The following HTR4 variants were observed in gnomAD, a reference collection of about 807,000 sequenced individuals.
HTR4 encodes the protein 5-hydroxytryptamine (serotonin) receptor 4, G protein-coupled.
In HTR4, 16 loss-of-function variants were observed where a neutral mutation model predicts 36.8. That is an observed-to-expected ratio of 0.43 (90% CI 0.29 to 0.66). The LOEUF (loss-of-function observed/expected upper bound fraction) is 0.66, where lower values mean the gene tolerates loss of function less well. HTR4 is among the 30% of genes least tolerant of loss of function. The pLI is 0.13. For synonymous variants in HTR4, 189 were observed against 185.1 expected, an observed-to-expected ratio of 1.02 and a Z score of -0.17; for missense variants, 438 against 490.9, an observed-to-expected ratio of 0.89 and a Z score of 1.02.
chr5:148,506,322 G>T (rs931876277), intron 6 of HTR4, among the ~76,000 whole-genome samples: 4 of 151,962 alleles, frequency 2.6e-5, no homozygotes, highest in East Asian at 1.9e-4. Flanking sequence ...GCTAGCCATA[G>T]GTAGAAAGCT....
intron 2 of HTR4, among the ~76,000 whole-genome samples, chr5:148,601,002 A>AAT (rs1761973992): frequency 6.8e-6 from 1 of 147,744 alleles, no homozygotes; most frequent in Non-Finnish European, 1.5e-5. Context: ...AAAAAAAAAA[A>AAT]ACAAATAATG....
At chr5:148,599,755 G>GT (rs1379754236) in intron 2 of HTR4, among the ~76,000 whole-genome samples, 3 of 151,976 alleles carry the variant, frequency 2.0e-5, no homozygotes, top group African/African-American at 4.8e-5. Context: ...AATATATTAT[G>GT]TTTTTTGCAG....
At chr5:148,630,296 T>G (rs1753278137) in intron 2 of HTR4, 1 of 152,084 alleles carries the variant, frequency 6.6e-6, no homozygotes, top group Non-Finnish European at 1.5e-5. Context: ...TGATTGCATA[T>G]AAAGGAGAGC....
chr5:148,557,392 G>A (rs961702027), intron 2 of HTR4, among the ~76,000 whole-genome samples: 1 of 152,146 alleles, frequency 6.6e-6, no homozygotes, highest in Non-Finnish European at 1.5e-5. Context: ...CTGAATAAAT[G>A]TTGGTACAAT....
At chr5:148,459,472 A>G (rs1179367763) in intron 5 of HTR4, among the ~76,000 whole-genome samples, 1 of 152,086 alleles carries the variant, frequency 6.6e-6, no homozygotes, top group Non-Finnish European at 1.5e-5. Flanking sequence ...ACCTTGGGGG[A>G]AGGGAAATAT....
intron 6 of HTR4, among the ~76,000 whole-genome samples, chr5:148,506,087 C>A (rs1418508683): frequency 6.6e-6 from 1 of 152,124 alleles, no homozygotes; most frequent in African/African-American, 2.4e-5. Flanking sequence ...GCCAAAAGAA[C>A]AAAGCTGGAG....
chr5:148,539,522 A>G (rs1274079710), intron 4 of HTR4, among the ~76,000 whole-genome samples: 1 of 152,200 alleles, frequency 6.6e-6, no homozygotes, highest in Non-Finnish European at 1.5e-5. Context: ...CAAATTTACA[A>G]TAAAAAAGTC....
At chr5:148,621,274 C>T (rs777577618) in intron 2 of HTR4, among the ~76,000 whole-genome samples, 23 of 152,298 alleles carry the variant, frequency 1.5e-4, no homozygotes, top group Admixed American at 5.9e-4. Flanking sequence ...GGGCTGCCCA[C>T]GCATGACAGA....
Position 148,576,115 on chromosome 5 carries a change from A to AAAAAACAAAC in HTR4, c.27-25854_27-25853insGTTTGTTTTT, listed in dbSNP as rs1242160172. Among the ~76,000 whole-genome samples, 5 of 134,834 alleles carry AAAAAACAAAC rather than the reference A, an allele frequency of 3.7e-5. 1 individual carries two copies. Among genetic ancestry groups the AAAAAACAAAC allele is most frequent in the African/African-American group, 1.4e-4 (5 of 36,504 alleles). The allele number at this position is 134,834 out of a possible 152,430, so 88.5% of individuals were successfully genotyped here. ...GACAGAGCGAGACTCCGTCTCAAAA[A>AAAAAACAAAC]AAAAAAAAAAAAAAAAAACAAAATC... On this transcript the variant is annotated intron_variant, in intron 2 of 6. Transcript: ENST00000377888.
At chr5:148,477,476 G>A (rs933566743), downstream of HTR4, among the ~76,000 whole-genome samples, 4 of 152,144 alleles carry the variant, frequency 2.6e-5, no homozygotes, top group African/African-American at 7.2e-5. Flanking sequence ...TAACAAGAAC[G>A]GGCCTCAGGT....
rs142111172 is a variant in HTR4 at position 148,572,468 on chromosome 5, G to A, written c.27-22206C>T. 1.8e-3 allele frequency among the ~76,000 whole-genome samples: 268 copies of A among 152,060 alleles called. 1 individual carries two copies. The highest frequency in any genetic ancestry group is 6.0e-3 in the African/African-American group (249 of 41,516). ...ATAATATTTTAATTTAATCACCAGT[G>A]GCATAATTATGAAGATAATCTAACA... On this transcript the variant is annotated intron_variant, in intron 2 of 6. Coordinates refer to ENST00000377888, the MANE Select transcript of HTR4 (RefSeq NM_000870.7).
At chr5:148,571,679 G>C (rs923794669) in intron 2 of HTR4, among the ~76,000 whole-genome samples, 11 of 151,938 alleles carry the variant, frequency 7.2e-5, no homozygotes, top group African/African-American at 2.7e-4. Flanking sequence ...ACACACTTCA[G>C]GTGTCTTGTC....
intron 2 of HTR4, among the ~76,000 whole-genome samples, chr5:148,576,117 A>AAAACAAAC (rs1176156241): frequency 2.9e-5 from 4 of 136,624 alleles, no homozygotes; most frequent in African/African-American, 1.1e-4. Flanking sequence ...TCTCAAAAAA[A>AAAACAAAC]AAAAAAAAAA....
chr5:148,528,905 C>A (rs1758417782), intron 4 of HTR4, among the ~76,000 whole-genome samples: 2 of 150,868 alleles, frequency 1.3e-5, no homozygotes, highest in Non-Finnish European at 3.0e-5. Context: ...CATTTGATCT[C>A]ATTTAATCCG....
At chr5:148,456,919 T>C (rs1343463509) in intron 5 of HTR4, among the ~76,000 whole-genome samples, 1 of 152,236 alleles carries the variant, frequency 6.6e-6, no homozygotes. Flanking sequence ...TTGAACTCAG[T>C]ACAAAATTCC....
chr5:148,590,287 CTTTTTTTTT>C (rs779077579), intron 2 of HTR4, among the ~76,000 whole-genome samples: 25 of 33,332 alleles, frequency 7.5e-4, no homozygotes, highest in African/African-American at 2.7e-3. Context: ...TTTTTCTTTT[CTTTTTTTTT>C]TTTTTTTTTT....
chr5:148,485,467 G>T (rs1756105669), intron 6 of HTR4, among the ~76,000 whole-genome samples: 1 of 152,164 alleles, frequency 6.6e-6, no homozygotes, highest in South Asian at 2.1e-4. Context: ...GTCCCACTAT[G>T]GCAGACTCCT....
intron 2 of HTR4, among the ~76,000 whole-genome samples, chr5:148,554,576 ATTAT>A (rs1759844837): frequency 6.6e-6 from 1 of 152,172 alleles, no homozygotes; most frequent in Non-Finnish European, 1.5e-5. Context: ...ATGCGGAGTT[ATTAT>A]TTAAGAATTA....
chr5:148,561,853 G>C (rs1760227989), intron 2 of HTR4, among the ~76,000 whole-genome samples: 1 of 152,158 alleles, frequency 6.6e-6, no homozygotes, highest in African/African-American at 2.4e-5. Flanking sequence ...AGGAAAAGTG[G>C]ACTTTCCCAT....
Sources: gnomAD v4.1 joint callset for allele counts (sites outside exome capture counted in the v4.1 genomes callset) on GRCh38, gnomAD v4.1.1 for gene constraint, MANE v1.5 for transcripts, NCBI Gene and HGNC (gene_info 2026-07-23, HGNC 2026-07-21) for gene names.